Variants in DSCAM observed in about 807,000 individuals in gnomAD.
DSCAM encodes the protein DS cell adhesion molecule.
Under a neutral mutation model 217.7 loss-of-function variants are expected in DSCAM, and 47 were observed. That is an observed-to-expected ratio of 0.22 (90% confidence interval 0.17 to 0.28). The LOEUF (loss-of-function observed/expected upper bound fraction) is 0.28. Among genes scored for constraint, DSCAM ranks in the 10% least tolerant of loss-of-function variants. The pLI is 1.00. For missense variants in DSCAM, 2,080 were observed against 2,618.3 expected (o/e 0.79, Z 4.49); for synonymous variants, 1,056 against 1,015.3 (o/e 1.04, Z -0.76).
intron 3 of DSCAM, among the ~76,000 whole-genome samples, chr21:40,649,557 A>C (rs1231059480): frequency 1.3e-5 from 2 of 152,170 alleles, no homozygotes; most frequent in African/African-American, 4.8e-5. Context: ...ACGCCTCTTT[A>C]TGTGCTCTGA....
At chr21:40,107,120 TTC>T (rs1156318888) in intron 20 of DSCAM, among the ~76,000 whole-genome samples, 9 of 152,252 alleles carry the variant, frequency 5.9e-5, no homozygotes, top group African/African-American at 2.2e-4. Flanking sequence ...TACTATAAAT[TTC>T]TCTCTTAACA....
intron 18 of DSCAM, among the ~76,000 whole-genome samples, chr21:40,140,846 G>A (rs1421451535): frequency 6.6e-6 from 1 of 152,108 alleles, no homozygotes; most frequent in Non-Finnish European, 1.5e-5. Flanking sequence ...AACCTCCACA[G>A]GGACAGACAC....
chr21:40,091,682 G>A (rs760066834), intron 21 of DSCAM, among the ~76,000 whole-genome samples: 2 of 152,230 alleles, frequency 1.3e-5, no homozygotes, highest in Non-Finnish European at 1.5e-5. Flanking sequence ...AAAGGAAAGG[G>A]GTTTAATGGA....
chr21:40,831,354 C>T (rs1330008121), intron 1 of DSCAM, among the ~76,000 whole-genome samples: 4 of 152,294 alleles, frequency 2.6e-5, no homozygotes, highest in Non-Finnish European at 5.9e-5. Flanking sequence ...TTATTTATTA[C>T]AAGAGCTTTC....
At chr21:40,120,574 T>A (rs1368579666) in intron 20 of DSCAM, among the ~76,000 whole-genome samples, 1 of 152,234 alleles carries the variant, frequency 6.6e-6, no homozygotes, top group East Asian at 1.9e-4. Flanking sequence ...TTCAAACCAC[T>A]ATATATTAAA....
intron 3 of DSCAM, among the ~76,000 whole-genome samples, chr21:40,651,671 T>A (rs926089): frequency 0.88 from 133,612 of 152,266 alleles, 58,739 homozygotes; most frequent in East Asian, 0.95. Flanking sequence ...ACCGCAGCTT[T>A]ACAAGGCTGC....
intron 3 of DSCAM, among the ~76,000 whole-genome samples, chr21:40,515,129 A>G (rs1455488655): frequency 1.3e-5 from 2 of 152,246 alleles, no homozygotes; most frequent in Non-Finnish European, 2.9e-5. Flanking sequence ...AAAGAAGTAT[A>G]CATTTACAAG....
intron 3 of DSCAM, among the ~76,000 whole-genome samples, chr21:40,573,234 A>C (rs1484090057): frequency 1.3e-5 from 2 of 152,110 alleles, no homozygotes; most frequent in Non-Finnish European, 2.9e-5. Flanking sequence ...GCTACTCAGG[A>C]GGCTGAGGCA....
intron 16 of DSCAM, among the ~76,000 whole-genome samples, chr21:40,166,028 C>T (rs999893018): frequency 1.3e-5 from 2 of 152,140 alleles, no homozygotes; most frequent in African/African-American, 2.4e-5. Context: ...TCATTGGCTG[C>T]GGTTGAGAAA....
chr21:40,099,933 A>G (rs2146606856), intron 20 of DSCAM, among the ~76,000 whole-genome samples: 1 of 152,300 alleles, frequency 6.6e-6, no homozygotes, highest in East Asian at 1.9e-4. Flanking sequence ...AGTGAGCCAC[A>G]CCTGAGAAGG....
chr21:40,159,933 GA>G (rs2090521638), intron 16 of DSCAM, among the ~76,000 whole-genome samples: 1 of 152,140 alleles, frequency 6.6e-6, no homozygotes, highest in African/African-American at 2.4e-5. Flanking sequence ...TTTTTGTTGG[GA>G]AAATTTCACC....
chr21:40,663,071 G>GTT (rs2090157064), intron 3 of DSCAM, among the ~76,000 whole-genome samples: 1 of 151,280 alleles, frequency 6.6e-6, no homozygotes, highest in Non-Finnish European at 1.5e-5. Flanking sequence ...GCACCTGTGT[G>GTT]TATGCCAGTA....
At chr21:40,401,859 C>A (rs1184019699) in intron 3 of DSCAM, among the ~76,000 whole-genome samples, 1 of 152,010 alleles carries the variant, frequency 6.6e-6, no homozygotes, top group East Asian at 1.9e-4. Context: ...ATGGGCCCGT[C>A]TTGCCAGCTC....
At chr21:40,430,001 G>T (rs1045366994) in intron 3 of DSCAM, among the ~76,000 whole-genome samples, 1 of 152,196 alleles carries the variant, frequency 6.6e-6, no homozygotes, top group Non-Finnish European at 1.5e-5. Flanking sequence ...TTAAGACCTT[G>T]TGTAAAATAC....
Position 40,353,703 on chromosome 21 carries a change from G to T in DSCAM, c.696C>A (p.Asp232Glu). Reference sequence around the variant, plus strand: ...GCTGCCCAGCCATGGCTTTGCGATGGTCAAACCCATCCAGTATGGATGGGG... The same window carrying T: ...GCTGCCCAGCCATGGCTTTGCGATGTTCAAACCCATCCAGTATGGATGGGG... ...NSAPSILDGF[D>E]HRKAMAGQRV... Residue 232 changes from aspartate to glutamate, a missense_variant, in exon 5 of 33, where the codon GAC becomes GAA. Asp to Glu is a conservative substitution (Grantham distance 45). This residue lies in a region of DSCAM where 568 missense variants were observed against 678.1 expected (regional missense o/e 0.84). Transcript: ENST00000400454. The T allele has an allele frequency of 1.9e-6, 3 of 1,600,278 alleles. No homozygotes were observed. The South Asian group carries it at 3.4e-5, about 18-fold the overall frequency.
rs530234726 is a variant in DSCAM at position 40,526,193 on chromosome 21, C to T, written c.509-156948G>A. On this transcript the variant is annotated intron_variant, in intron 3 of 32. Coordinates refer to ENST00000400454, the MANE Select transcript of DSCAM (RefSeq NM_001389.5). Reference sequence around the variant, plus strand: ...ATCAACCTCCCAGCTGGAGCTGGCCCCCAGAGGCAGAGCTATAACTCTGCC... The same window carrying T: ...ATCAACCTCCCAGCTGGAGCTGGCCTCCAGAGGCAGAGCTATAACTCTGCC... 2.0e-5 allele frequency among the ~76,000 whole-genome samples: 3 copies of T among 152,250 alleles called. No homozygotes were observed. In the South Asian group the frequency reaches 6.2e-4, roughly 32 times the overall value.
At chr21:40,172,523 C>A (rs2090670380) in intron 15 of DSCAM, among the ~76,000 whole-genome samples, 1 of 152,206 alleles carries the variant, frequency 6.6e-6, no homozygotes, top group African/African-American at 2.4e-5. Flanking sequence ...TGCTTCTGTC[C>A]CTCCCCAGCT....
At chr21:40,017,686 G>A (rs569258212) in intron 32 of DSCAM, among the ~76,000 whole-genome samples, 1 of 151,914 alleles carries the variant, frequency 6.6e-6, no homozygotes, top group Non-Finnish European at 1.5e-5. Flanking sequence ...TGAGTAGCTG[G>A]GATTACAGGC....
At chr21:40,461,187 A>G (rs1319044038) in intron 3 of DSCAM, among the ~76,000 whole-genome samples, 1 of 152,220 alleles carries the variant, frequency 6.6e-6, no homozygotes, top group African/African-American at 2.4e-5. Context: ...CTGCAAATAA[A>G]TTATATATTT....
Sources: gnomAD v4.1 joint callset for allele counts (sites outside exome capture counted in the v4.1 genomes callset) on GRCh38, gnomAD v4.1.1 for gene constraint, gnomAD v4.1.1 regional missense constraint, MANE v1.5 for transcripts, NCBI Gene and HGNC (gene_info 2026-07-23, HGNC 2026-07-21) for gene names.